SELENOO: variants seen among roughly 807,000 people sequenced by gnomAD.
SELENOO encodes the protein protein adenylyltransferase SelO, mitochondrial.
In SELENOO, 74 loss-of-function variants were observed where a neutral mutation model predicts 58.7. The ratio of observed to expected loss-of-function variants is 1.26; its 90% CI spans 1.04 to 1.53. SELENOO has a LOEUF of 1.53. Among genes scored for constraint, SELENOO ranks in the 40% most tolerant of loss-of-function variants. SELENOO has a pLI of 0.00. For synonymous variants in SELENOO, 543 were observed against 453.2 expected (o/e 1.20, Z -2.52); for missense variants, 1,149 against 970.0 (o/e 1.18, Z -2.45).
At chr22:50,214,217 C>T (rs1469289935) in intron 5 of SELENOO, among the ~76,000 whole-genome samples, 2 of 152,236 alleles carry the variant, frequency 1.3e-5, no homozygotes, top group East Asian at 1.9e-4. Context: ...CTGCGGCTCA[C>T]TGCAGCCTCC....
intron 2 of SELENOO, among the ~76,000 whole-genome samples, chr22:50,206,721 G>A (rs2064335478): frequency 6.6e-6 from 1 of 152,212 alleles, no homozygotes; most frequent in Admixed American, 6.5e-5. Context: ...AGGGATCTGA[G>A]TGCAAAGGCA....
chr22:50,210,798 AGTTCCAAAGGCACTACCT>A lies in SELENOO; in HGVS notation c.1240_1257del (p.Phe414_Leu419del). 1.9e-6 allele frequency: 3 copies of A among 1,613,968 alleles called. No homozygotes were observed. The highest frequency in any genetic ancestry group is 2.5e-6 in the Non-Finnish European group (3 of 1,180,028). On this transcript the variant is annotated inframe_deletion, in exon 5 of 9. Coordinates refer to ENST00000380903, the MANE Select transcript of SELENOO (RefSeq NM_031454.2). ...ATCCTGGCCGAGGAGTTTGACGCCGAGTTCCAAAGGCACTACCTGCAGAAGATGCGCAGGAAGCTGGGC... is the reference window on the plus strand; with the variant it reads ...ATCCTGGCCGAGGAGTTTGACGCCGAGCAGAAGATGCGCAGGAAGCTGGGC...
intron 3 of SELENOO, chr22:50,209,435 C>T (rs2064353565): frequency 6.6e-6 from 1 of 152,408 alleles, no homozygotes; most frequent in Admixed American, 6.5e-5. Context: ...TGCCCCAGCT[C>T]CATCCCTGCA....
intron 1 of SELENOO, among the ~76,000 whole-genome samples, chr22:50,202,367 C>T (rs1047404962): frequency 4.6e-5 from 7 of 152,118 alleles, no homozygotes; most frequent in Admixed American, 1.3e-4. Flanking sequence ...GCAAGCTCCT[C>T]AGACTGAGGG....
intron 5 of SELENOO, among the ~76,000 whole-genome samples, chr22:50,215,377 C>T (rs2064398414): frequency 6.6e-6 from 1 of 151,722 alleles, no homozygotes; most frequent in Non-Finnish European, 1.5e-5. Flanking sequence ...GTGTGGAGGG[C>T]TCAGGAGTCC....
chr22:50,202,524 T>C (rs1221259896), intron 1 of SELENOO, among the ~76,000 whole-genome samples: 4 of 151,914 alleles, frequency 2.6e-5, no homozygotes, highest in Non-Finnish European at 4.4e-5. Flanking sequence ...TGGAACGTGG[T>C]GGAAATGCTG....
chr22:50,208,544 C>T lies in SELENOO; in HGVS notation c.767C>T (p.Ser256Phe), dbSNP rs376265751. ...TCGGGTCTTCCCTCCAGGTTTGGAT[C>T]CTTTGAGATTTTTAAGTCTGCAGAT... ...RVASTFIRFG[S>F]FEIFKSADEH... The change falls in exon 3 of 9, where the codon TCC (serine) becomes TTC (phenylalanine). Residue 256 changes from serine (S) to phenylalanine (F), a missense_variant. Ser to Phe is a radical substitution (Grantham distance 155). Coordinates refer to ENST00000380903, the MANE Select transcript of SELENOO (RefSeq NM_031454.2). 1.2e-6 allele frequency: 2 copies of T among 1,612,994 alleles called. No homozygotes were observed. The highest frequency in any genetic ancestry group is 1.7e-5 in the Admixed American group (1 of 59,996).
chr22:50,217,044 G>A lies in SELENOO; in HGVS notation c.1761G>A (p.Met587Ile), dbSNP rs558688898. Reference sequence around the variant, plus strand: ...GGCAGGCTGAGCACGTGCGCGTGATGCACGCCAACAACCCGAAGTACGTGC... The same window carrying A: ...GGCAGGCTGAGCACGTGCGCGTGATACACGCCAACAACCCGAAGTACGTGC... ...AAWQAEHVRVMHANNPKYVLR... is the reference protein window; with the variant it reads ...AAWQAEHVRVIHANNPKYVLR... Residue 587 changes from methionine (M) to isoleucine (I), a missense_variant, in exon 8 of 9, where the codon ATG becomes ATA. Physicochemically the swap from Met to Ile is conservative, Grantham distance 10 (BLOSUM62 1). Coordinates refer to ENST00000380903, the MANE Select transcript of SELENOO (RefSeq NM_031454.2). 3 of 1,612,446 alleles carry A rather than the reference G, an allele frequency of 1.9e-6. No homozygotes were observed. Among genetic ancestry groups the A allele is most frequent in the East Asian group, 2.2e-5 (1 of 44,884 alleles).
At position 50,201,096 on chromosome 22, in the gene SELENOO, C is replaced by G. The variant is rs770329612; in HGVS notation, c.60C>G (p.Leu20=). 5 of 1,366,604 alleles carry G rather than the reference C, an allele frequency of 3.7e-6. No homozygotes were observed. The South Asian group carries it at 8.5e-5, about 23-fold the overall frequency. The allele number at this position is 1,366,604 out of a possible 1,614,324, so 84.7% of individuals were successfully genotyped here. Residue 20 remains leucine (L), a synonymous_variant, in exon 1 of 9, where the codon CTC becomes CTG. Transcript: ENST00000380903. ...ASLAAARLLP[L]GRCSPSPAPR... ...TCGCGGCTGCCCGACTCTTGCCCCT[C>G]GGTCGCTGTTCCCCGTCGCCGGCGC...
chr22:50,216,657 G>T, intron 6 of SELENOO, 34 bp from the exon 7 acceptor site: 1 of 1,545,890 alleles, frequency 6.5e-7, no homozygotes, highest in South Asian at 1.2e-5. Context: ...ACACGGTCAG[G>T]GGCTACCTCC....
Position 50,201,530 on chromosome 22 carries a change from C to T in SELENOO, c.494C>T (p.Thr165Met), listed in dbSNP as rs1401542536. 12 of 1,416,644 alleles carry T rather than the reference C, an allele frequency of 8.5e-6. No individual in the cohort carries two copies. The highest frequency in any genetic ancestry group is 2.8e-5 in the South Asian group (2 of 71,490). The allele number at this position is 1,416,644 out of a possible 1,614,324, so 87.8% of individuals were successfully genotyped here. ...GCCATGTACCTGGGCGAGGTGTGCA[C>T]GGCGACCGGCGAGCGCTGGGAGCTG... The part of the protein sequence containing the change: ...GAAMYLGEVC[T>M]ATGERWELQL... Residue 165 changes from threonine (T) to methionine (M), a missense_variant, in exon 1 of 9, where the codon ACG becomes ATG. Physicochemically the swap from Thr to Met is moderately conservative, Grantham distance 81 (BLOSUM62 -1). Coordinates refer to ENST00000380903, the MANE Select transcript of SELENOO (RefSeq NM_031454.2).
intron 5 of SELENOO, 96 bp from the exon 6 acceptor site, chr22:50,215,621 C>T (rs1602496480): frequency 4.6e-6 from 5 of 1,089,986 alleles, no homozygotes; most frequent in East Asian, 5.3e-5. Context: ...CATGCAGCAC[C>T]TGTGCCAGGG....
chr22:50,208,198 G>C (rs527716934), intron 2 of SELENOO, among the ~76,000 whole-genome samples: 2 of 152,116 alleles, frequency 1.3e-5, no homozygotes, highest in South Asian at 4.1e-4. Context: ...TTGGGAGGCC[G>C]AGGCGGGTGG....
intron 2 of SELENOO, 183 bp from the exon 3 acceptor site, chr22:50,208,353 C>A: frequency 1.9e-6 from 1 of 520,328 alleles, no homozygotes; most frequent in Non-Finnish European, 3.4e-6. Flanking sequence ...TCACTTGAAC[C>A]CAGAAGTTGG....
intron 1 of SELENOO, 53 bp from the exon 2 acceptor site, chr22:50,206,264 T>A: frequency 6.7e-7 from 1 of 1,499,590 alleles, no homozygotes; most frequent in Non-Finnish European, 9.3e-7. Context: ...GGAATCCTGG[T>A]GTTGGGTGAC....
At chr22:50,208,280 A>AT (rs1373218157) in intron 2 of SELENOO, among the ~76,000 whole-genome samples, 5 of 152,108 alleles carry the variant, frequency 3.3e-5, no homozygotes, top group Admixed American at 6.5e-5. Context: ...AAATACAAAA[A>AT]TTAGCTGGGC....
At chr22:50,204,075 T>G (rs1045287587) in intron 1 of SELENOO, among the ~76,000 whole-genome samples, 1 of 152,220 alleles carries the variant, frequency 6.6e-6, no homozygotes, top group Non-Finnish European at 1.5e-5. Context: ...GTGAAGAGTT[T>G]ATAACATGAG....
chr22:50,208,367 T>C, intron 2 of SELENOO, 169 bp from the exon 3 acceptor site: 1 of 540,542 alleles, frequency 1.9e-6, no homozygotes, highest in Non-Finnish European at 3.2e-6. Flanking sequence ...AAGTTGGAGG[T>C]TGTGGTGAGG....
Position 50,215,664 on chromosome 22 carries a change from G to T in SELENOO, c.1352-53G>T, listed in dbSNP as rs529030752. The stretch of plus-strand genomic sequence containing the variant: ...GGGGGGGGGGTCTGTGTGGCACCAG[G>T]ACAGGGACCCTGGGCCTTCTGCTTC... On this transcript the variant is annotated intron_variant, in intron 5 of 8. Transcript: ENST00000380903. The T allele has an allele frequency of 1.4e-4, 204 of 1,481,518 alleles. 1 individual carries two copies. In the East Asian group the frequency reaches 4.7e-3, roughly 34 times the overall value. The allele number at this position is 1,481,518 out of a possible 1,614,324, so 91.8% of individuals were successfully genotyped here.
Sources: gnomAD v4.1 joint callset for allele counts (sites outside exome capture counted in the v4.1 genomes callset) on GRCh38, gnomAD v4.1.1 for gene constraint, MANE v1.5 for transcripts, NCBI Gene and HGNC (gene_info 2026-07-23, HGNC 2026-07-21) for gene names.